TTC7A: variants seen among roughly 807,000 people sequenced by gnomAD.
TTC7A encodes tetratricopeptide repeat domain 7A, also known as tetratricopeptide repeat protein 7A.
A neutral mutation model predicts 103.7 loss-of-function variants in TTC7A; 110 were observed. That is an observed-to-expected ratio of 1.06 (90% CI 0.91 to 1.24). The LOEUF (loss-of-function observed/expected upper bound fraction) is 1.24, where lower values mean the gene tolerates loss of function less well. TTC7A is among the 50% of genes most tolerant of loss of function. The pLI is 0.00. For missense variants in TTC7A, 1,340 were observed against 1,116.3 expected, an observed-to-expected ratio of 1.20 and a Z score of -2.86; for synonymous variants, 521 against 467.9, an observed-to-expected ratio of 1.11 and a Z score of -1.47.
chr2:46,926,778 A>T, intron 2 of TTC7A, among the ~76,000 whole-genome samples: 2 of 152,366 alleles, frequency 1.3e-5, no homozygotes, highest in South Asian at 4.1e-4. Context: ...CACAAACTAG[A>T]AGAAAGAGCA....
chr2:46,921,963 G>T (rs1426581753), intron 2 of TTC7A, among the ~76,000 whole-genome samples: 1 of 152,196 alleles, frequency 6.6e-6, no homozygotes, highest in African/African-American at 2.4e-5. Flanking sequence ...CACTAGTTGG[G>T]GGGTGAGGGC....
At position 47,074,261 on chromosome 2, in the gene TTC7A, G is replaced by C. The variant is rs747654099; in HGVS notation, c.*338G>C. ...CTCTGGCTTGGAGTCTGGGTGGGGG[G>C]TTCTCACTCCCCACTCTCAGCACAG... On this transcript the variant is annotated 3_prime_UTR_variant, in exon 20 of 20. Transcript: ENST00000319190. 18 of 355,344 alleles carry C rather than the reference G, an allele frequency of 5.1e-5. No homozygotes were observed. Among genetic ancestry groups the C allele is most frequent in the Non-Finnish European group, 9.0e-5 (17 of 189,304 alleles). The allele number at this position is 355,344 out of a possible 1,614,324, so 22.0% of individuals were successfully genotyped here.
intron 15 of TTC7A, among the ~76,000 whole-genome samples, chr2:47,031,396 C>G (rs770666671): frequency 6.6e-6 from 1 of 152,190 alleles, no homozygotes; most frequent in Admixed American, 6.5e-5. Context: ...ATCTGCGCAC[C>G]TCTCTGGCAG....
intron 5 of TTC7A, among the ~76,000 whole-genome samples, chr2:46,991,092 T>C (rs1675577540): frequency 6.6e-6 from 1 of 152,026 alleles, no homozygotes; most frequent in African/African-American, 2.4e-5. Context: ...ATTTTTGTAG[T>C]TTTAGTAGAG....
In TTC7A at chr2:46,947,633, T is replaced by C. The variant is rs578136521; in HGVS notation, c.185-2730T>C. Among the ~76,000 whole-genome samples the C allele has an allele frequency of 1.3e-4, 20 of 152,248 alleles. 1 individual carries two copies. The South Asian group carries it at 3.9e-3, about 30-fold the overall frequency. On this transcript the variant is annotated intron_variant, in intron 1 of 19. Coordinates refer to ENST00000319190, the MANE Select transcript of TTC7A (RefSeq NM_020458.4). ...TCAGTAGGCTGAGGCAGGAGAATCC[T>C]TTAAACCCAGGAGGTGGAGGTTGCA...
intron 3 of TTC7A, among the ~76,000 whole-genome samples, chr2:46,965,484 C>T (rs1220376867): frequency 1.3e-5 from 2 of 152,066 alleles, no homozygotes; most frequent in African/African-American, 4.8e-5. Context: ...CAGGCCTCAT[C>T]CAGCCAGAGA....
At chr2:46,967,018 G>C (rs1384391766) in intron 3 of TTC7A, among the ~76,000 whole-genome samples, 3 of 151,742 alleles carry the variant, frequency 2.0e-5, no homozygotes, top group African/African-American at 4.8e-5. Flanking sequence ...TTCAAGACCA[G>C]CCTGGCCAAC....
rs1476031758 is a variant in TTC7A at position 46,950,367 on chromosome 2, CT to C, written c.192del (p.Phe64LeufsTer15). ...GACCCCTACTTTGCTTTTCAGATGA[CT>C]TTGGGAAATTGCTGCTGGCTGAGGC... ...AAFTFPDTDD[F>X]GKLLLAEALL... On this transcript the variant is annotated frameshift_variant, in exon 2 of 20. Transcript: ENST00000319190. LOFTEE classifies it high-confidence loss of function. The C allele has an allele frequency of 1.8e-5, 29 of 1,613,958 alleles. No individual in the cohort carries two copies. Among genetic ancestry groups the C allele is most frequent in the Non-Finnish European group, 2.0e-5 (24 of 1,179,968 alleles).
Position 46,987,205 on chromosome 2 carries a change from T to G in TTC7A, c.765-6245T>G, listed in dbSNP as rs566774178. 6.6e-5 allele frequency among the ~76,000 whole-genome samples: 10 copies of G among 152,316 alleles called. No homozygotes were observed. The East Asian group carries it at 1.9e-3, about 29-fold the overall frequency. On this transcript the variant is annotated intron_variant, in intron 5 of 19. Coordinates refer to ENST00000319190, the MANE Select transcript of TTC7A (RefSeq NM_020458.4). ...ACTAGAGGGCAGCCGTGGACTCTGG[T>G]TGGAGCCTCGCCCCAGGCAGTTCGG... is the stretch of plus-strand genomic sequence containing the variant.
chr2:47,067,207 G>A (rs1684249359), intron 19 of TTC7A, among the ~76,000 whole-genome samples: 1 of 152,228 alleles, frequency 6.6e-6, no homozygotes, highest in Non-Finnish European at 1.5e-5. Flanking sequence ...CATAGCACTG[G>A]CTCAGTTTTT....
chr2:47,064,163 A>C (rs1684006257), intron 19 of TTC7A, among the ~76,000 whole-genome samples: 1 of 152,256 alleles, frequency 6.6e-6, no homozygotes. Context: ...CAAGAGAACC[A>C]GCGGAATTTG....
intron 3 of TTC7A, chr2:46,958,671 C>T (rs1672110600): frequency 4.7e-6 from 3 of 640,202 alleles, no homozygotes; most frequent in Non-Finnish European, 7.1e-6. Context: ...GTCCTCCTCC[C>T]TGTCCTGCTG....
chr2:46,930,497 AT>A (rs575100979), intron 2 of TTC7A, among the ~76,000 whole-genome samples: 18,047 of 131,694 alleles, frequency 0.14, 1,224 homozygotes, highest in African/African-American at 0.18. Context: ...AAGTCCTATA[AT>A]TTTTTTTTTT....
intron 5 of TTC7A, among the ~76,000 whole-genome samples, chr2:46,989,990 G>A (rs1675454193): frequency 6.6e-6 from 1 of 152,214 alleles, no homozygotes; most frequent in African/African-American, 2.4e-5. Context: ...TTGCGGTGGA[G>A]TGGGAAGAAG....
In TTC7A at chr2:46,981,604, C is replaced by T. The variant is rs192644939; in HGVS notation, c.764+2697C>T. On this transcript the variant is annotated intron_variant, in intron 5 of 19. Transcript: ENST00000319190. The stretch of plus-strand genomic sequence containing the variant: ...GAAGACCTCTGAGACTCTCTAGAAC[C>T]GGAGCCTGAAGTGGGTCATGAATCT... Among the ~76,000 whole-genome samples, 35 of 152,308 alleles carry T rather than the reference C, an allele frequency of 2.3e-4. No individual in the cohort carries two copies. In the Middle Eastern group the frequency reaches 0.01, roughly 44 times the overall value.
At chr2:47,070,478 G>C (rs1400768972) in intron 19 of TTC7A, among the ~76,000 whole-genome samples, 1 of 152,232 alleles carries the variant, frequency 6.6e-6, no homozygotes, top group Non-Finnish European at 1.5e-5. Flanking sequence ...TTGTTGAGCT[G>C]CTGTCCTTTG....
At chr2:46,996,760 A>G (rs1676231876) in intron 8 of TTC7A, among the ~76,000 whole-genome samples, 1 of 152,230 alleles carries the variant, frequency 6.6e-6, no homozygotes, top group Non-Finnish European at 1.5e-5. Flanking sequence ...CATGTGCCAC[A>G]TCTGATTTTC....
chr2:46,939,229 G>C (rs1670130661), upstream of TTC7A, among the ~76,000 whole-genome samples: 1 of 151,980 alleles, frequency 6.6e-6, no homozygotes, highest in Non-Finnish European at 1.5e-5. Context: ...ACCCAAAATT[G>C]TACAATAGCC....
intron 19 of TTC7A, among the ~76,000 whole-genome samples, chr2:47,061,314 C>T (rs1185400849): frequency 6.6e-6 from 1 of 152,216 alleles, no homozygotes; most frequent in African/African-American, 2.4e-5. Flanking sequence ...CCATCAGACC[C>T]TTGCCCTGAA....
Sources: gnomAD v4.1 joint callset for allele counts (sites outside exome capture counted in the v4.1 genomes callset) on GRCh38, gnomAD v4.1.1 for gene constraint, MANE v1.5 for transcripts, NCBI Gene and HGNC (gene_info 2026-07-23, HGNC 2026-07-21) for gene names.